TMEM71: variants seen among roughly 807,000 people sequenced by gnomAD.
TMEM71 encodes transmembrane protein 71.
TMEM71 carries 44 observed loss-of-function variants against 38.0 expected under a neutral mutation model. The observed-to-expected ratio is 1.16, with a 90% CI of 0.91 to 1.49. TMEM71 has a LOEUF of 1.49. Ranked by LOEUF, TMEM71 falls within the 40% of genes most tolerant of loss-of-function variation. The pLI is 0.00. For missense variants in TMEM71, 367 were observed against 348.6 expected, an observed-to-expected ratio of 1.05 and a Z score of -0.42; for synonymous variants, 133 against 122.5, an observed-to-expected ratio of 1.09 and a Z score of -0.56.
intron 4 of TMEM71, among the ~76,000 whole-genome samples, chr8:132,750,473 C>T (rs1490312363): frequency 6.6e-6 from 1 of 152,118 alleles, no homozygotes; most frequent in Non-Finnish European, 1.5e-5. Context: ...ATGGAAAGAA[C>T]ATTTTTCTGT....
chr8:132,742,123 A>G (rs1828076279), intron 5 of TMEM71, among the ~76,000 whole-genome samples: 1 of 152,234 alleles, frequency 6.6e-6, no homozygotes, highest in African/African-American at 2.4e-5. Flanking sequence ...CTAGGTTATG[A>G]CTATAGAGCA....
chr8:132,748,419 C>G (rs894897253), intron 4 of TMEM71, among the ~76,000 whole-genome samples: 1 of 152,212 alleles, frequency 6.6e-6, no homozygotes, highest in East Asian at 1.9e-4. Flanking sequence ...AAACATCCTA[C>G]AATGCACAGG....
At chr8:132,745,201 C>A (rs1828269898) in intron 5 of TMEM71, among the ~76,000 whole-genome samples, 1 of 152,092 alleles carries the variant, frequency 6.6e-6, no homozygotes, top group Non-Finnish European at 1.5e-5. Flanking sequence ...TAAAGAACTT[C>A]TGCACAACAA....
chr8:132,739,381 C>T (rs998660690), intron 5 of TMEM71, among the ~76,000 whole-genome samples: 14 of 151,980 alleles, frequency 9.2e-5, no homozygotes, highest in Admixed American at 9.2e-4. Context: ...GCGCGGTCTC[C>T]GCTCACTGCA....
Position 132,741,486 on chromosome 8 carries a change from T to C in TMEM71, c.487+5456A>G, listed in dbSNP as rs544023741. ...GAATGTCTGGCTGTGCTGTTATTTATTGGATACAAAGCAAAAGGGGCAGGG... is the reference window on the plus strand; with the variant it reads ...GAATGTCTGGCTGTGCTGTTATTTACTGGATACAAAGCAAAAGGGGCAGGG... On this transcript the variant is annotated intron_variant, in intron 5 of 9. Transcript: ENST00000677595. Among the ~76,000 whole-genome samples, 7 of 152,188 alleles carry C rather than the reference T, an allele frequency of 4.6e-5. No individual in the cohort carries two copies. In the South Asian group the frequency reaches 1.0e-3, roughly 23 times the overall value.
At chr8:132,746,026 G>A (rs1319339673) in intron 5 of TMEM71, among the ~76,000 whole-genome samples, 1 of 145,028 alleles carries the variant, frequency 6.9e-6, no homozygotes, top group Non-Finnish European at 1.5e-5. Context: ...ATGGGGGAGA[G>A]AGAGAAGGGG....
upstream of TMEM71, among the ~76,000 whole-genome samples, chr8:132,763,568 G>A (rs1829328688): frequency 6.6e-6 from 1 of 152,194 alleles, no homozygotes; most frequent in South Asian, 2.1e-4. Flanking sequence ...GTTCTAGAAA[G>A]CATAGGTCTC....
At chr8:132,725,424 G>A (rs1460681180) in intron 6 of TMEM71, among the ~76,000 whole-genome samples, 1 of 152,190 alleles carries the variant, frequency 6.6e-6, no homozygotes, top group Non-Finnish European at 1.5e-5. Context: ...CAGAAGAGAA[G>A]AGACAACAAA....
the TMEM71 span, among the ~76,000 whole-genome samples, chr8:132,770,785 T>C: frequency 6.6e-6 from 1 of 152,310 alleles, no homozygotes; most frequent in African/African-American, 2.4e-5. Flanking sequence ...GAATATTTCA[T>C]GTACGTATGA....
downstream of TMEM71, among the ~76,000 whole-genome samples, chr8:132,709,184 C>T (rs1336668929): frequency 6.6e-6 from 1 of 152,160 alleles, no homozygotes. Context: ...TAGAAATTCT[C>T]AATGGAAGTT....
intron 5 of TMEM71, among the ~76,000 whole-genome samples, chr8:132,746,252 T>C (rs1400394769): frequency 1.3e-5 from 2 of 150,420 alleles, no homozygotes; most frequent in East Asian, 1.9e-4. Flanking sequence ...TATACACATA[T>C]TTACCTGTAT....
At chr8:132,757,766 C>T (rs1829108355) in intron 2 of TMEM71, among the ~76,000 whole-genome samples, 1 of 146,608 alleles carries the variant, frequency 6.8e-6, no homozygotes, top group Non-Finnish European at 1.5e-5. Flanking sequence ...GCAGAGCTTG[C>T]AGTGAGCTGA....
At chr8:132,714,933 A>G (rs2131003854) in intron 7 of TMEM71, among the ~76,000 whole-genome samples, 1 of 152,358 alleles carries the variant, frequency 6.6e-6, no homozygotes, top group East Asian at 1.9e-4. Context: ...CAAAGAATAT[A>G]TACAAATGTC....
At chr8:132,728,527 A>G (rs1827279419) in intron 5 of TMEM71, among the ~76,000 whole-genome samples, 1 of 152,216 alleles carries the variant, frequency 6.6e-6, no homozygotes, top group Non-Finnish European at 1.5e-5. Context: ...GTGAGGACAC[A>G]GGCAAACCAT....
In TMEM71 at chr8:132,738,973, A is replaced by G. The variant is rs139345223; in HGVS notation, c.487+7969T>C. 3.9e-4 allele frequency among the ~76,000 whole-genome samples: 60 copies of G among 152,314 alleles called. No individual in the cohort carries two copies. The East Asian group carries it at 7.1e-3, about 18-fold the overall frequency. ...ATGTGCTATAGCTGTATAAGTAGTT[A>G]TCAGTGGGCAAAGCTGGGTGAAGCA... On this transcript the variant is annotated intron_variant, in intron 5 of 9. Transcript: ENST00000677595.
chr8:132,746,572 C>T (rs1828399571), intron 5 of TMEM71, among the ~76,000 whole-genome samples: 2 of 150,654 alleles, frequency 1.3e-5, no homozygotes, highest in Admixed American at 6.6e-5. Context: ...CAAGTGTACT[C>T]ATACTGGGAC....
chr8:132,747,608 G>A (rs938299878), intron 4 of TMEM71, among the ~76,000 whole-genome samples: 3 of 152,164 alleles, frequency 2.0e-5, no homozygotes, highest in Non-Finnish European at 4.4e-5. Context: ...GCTTTTGATC[G>A]CTATGCTATA....
upstream of TMEM71, among the ~76,000 whole-genome samples, chr8:132,763,898 T>C (rs1478125920): frequency 6.6e-6 from 1 of 152,202 alleles, no homozygotes; most frequent in Non-Finnish European, 1.5e-5. Context: ...CTGACATAAA[T>C]TGATGGACTT....
upstream of TMEM71, among the ~76,000 whole-genome samples, chr8:132,762,267 C>T (rs898045657): frequency 3.3e-5 from 5 of 152,226 alleles, no homozygotes; most frequent in Non-Finnish European, 7.3e-5. Context: ...TATTCTGCTT[C>T]ACAGCTGTCT....
Sources: gnomAD v4.1 joint callset for allele counts (sites outside exome capture counted in the v4.1 genomes callset) on GRCh38, gnomAD v4.1.1 for gene constraint, MANE v1.5 for transcripts, NCBI Gene and HGNC (gene_info 2026-07-23, HGNC 2026-07-21) for gene names.